IRS1: variants seen among roughly 807,000 people sequenced by gnomAD.
IRS1 encodes the protein insulin receptor substrate 1.
A neutral mutation model predicts 65.6 loss-of-function variants in IRS1; 34 were observed. The ratio of observed to expected loss-of-function variants is 0.52; its 90% CI spans 0.39 to 0.69. The LOEUF (loss-of-function observed/expected upper bound fraction) is 0.69, where lower values mean the gene tolerates loss of function less well. IRS1 is among the 30% of genes least tolerant of loss of function. The pLI is 0.00. For missense variants in IRS1, 1,641 were observed against 1,720.2 expected (o/e 0.95, Z 0.81); for synonymous variants, 699 against 683.5 (o/e 1.02, Z -0.35).
At position 226,796,576 on chromosome 2, in the gene IRS1, G is replaced by T. The variant is rs753351880; in HGVS notation, c.2163C>A (p.Ser721Arg). Residue 721 changes from serine to arginine, a missense_variant, in exon 1 of 2, where the codon AGC (serine) becomes AGA (arginine). By Grantham distance (110) the Ser-to-Arg change is moderately radical (BLOSUM62 -1). Around this residue, in one of 3 missense-constraint regions of IRS1, gnomAD observed 1,324 missense variants for 1,361.0 expected, o/e 0.97. Coordinates refer to ENST00000305123, the MANE Select transcript of IRS1 (RefSeq NM_005544.3). ...LPHPKPPVES[S>R]GGKLLPCTGD... ...CTGTGCAAGGTAAGAGCTTACCACC[G>T]CTGCTCTCCACTGGGGGTTTGGGGT... is the stretch of plus-strand genomic sequence containing the variant. 6.2e-7 allele frequency: 1 copy of T among 1,613,996 alleles called. No homozygotes were observed. The highest frequency in any genetic ancestry group is 1.7e-5 in the Admixed American group (1 of 60,028).
At chr2:226,776,055 G>C (rs1211130157) in intron 1 of IRS1, among the ~76,000 whole-genome samples, 2 of 152,068 alleles carry the variant, frequency 1.3e-5, no homozygotes, top group Non-Finnish European at 2.9e-5. Flanking sequence ...TAGAGAAACT[G>C]ATGATTTTAG....
intron 1 of IRS1, among the ~76,000 whole-genome samples, chr2:226,781,531 T>C (rs575879661): frequency 6.6e-6 from 1 of 152,236 alleles, no homozygotes; most frequent in East Asian, 1.9e-4. Flanking sequence ...GTTGTGTACT[T>C]GATAATGCAA....
rs1487901706 is a variant in IRS1 at position 226,732,868 on chromosome 2, T to C, written c.*3404A>G. On this transcript the variant is annotated 3_prime_UTR_variant, in exon 2 of 2. Coordinates refer to ENST00000305123, the MANE Select transcript of IRS1 (RefSeq NM_005544.3). ...CTTCTTCCCATTCCTACCAAAAGGG[T>C]CACATCTCTCCCCGCCAAGGTCTTA... The C allele has an allele frequency of 3.3e-5, 5 of 152,096 alleles. No individual in the cohort carries two copies. The highest frequency in any genetic ancestry group is 7.4e-5 in the Non-Finnish European group (5 of 68,026). The allele number at this position is 152,096 out of a possible 1,614,324, so 9.4% of individuals were successfully genotyped here. A position where few individuals can be genotyped will look rare whatever the true frequency, so the allele number is the denominator to read the frequency against.
intron 1 of IRS1, among the ~76,000 whole-genome samples, chr2:226,762,106 C>A (rs1938927064): frequency 6.6e-6 from 1 of 152,114 alleles, no homozygotes; most frequent in Non-Finnish European, 1.5e-5. Context: ...CAACAACCAG[C>A]AATCATTATT....
In IRS1 at chr2:226,796,737, T is replaced by G. The variant is rs761035932; in HGVS notation, c.2002A>C (p.Ser668Arg). Residue 668 changes from serine to arginine, a missense_variant, in exon 1 of 2, where the codon AGC becomes CGC. By Grantham distance (110) the Ser-to-Arg change is moderately radical. This residue lies in a region of IRS1 where 1,324 missense variants were observed against 1,361.0 expected (regional missense o/e 0.97). Coordinates refer to ENST00000305123, the MANE Select transcript of IRS1 (RefSeq NM_005544.3). ...DPNGYMMMSP[S>R]GGCSPDIGGG... ...CCAATGTCAGGAGAGCAGCCACCGC[T>G]GGGGGACATCATCATGTAGCCATTG... is the stretch of plus-strand genomic sequence containing the variant. The G allele has an allele frequency of 1.9e-6, 3 of 1,610,774 alleles. No homozygotes were observed. Among genetic ancestry groups the G allele is most frequent in the East Asian group, 2.2e-5 (1 of 44,806 alleles).
chr2:226,788,031 C>G (rs563926330), intron 1 of IRS1, among the ~76,000 whole-genome samples: 1 of 141,648 alleles, frequency 7.1e-6, no homozygotes, highest in Non-Finnish European at 1.6e-5. Context: ...AAAAAAAAAA[C>G]GTCTCTTTGA....
Position 226,796,594 on chromosome 2 carries a change from TTTGG to T in IRS1, c.2141_2144del (p.Pro714HisfsTer19). On this transcript the variant is annotated frameshift_variant, in exon 1 of 2. Transcript: ENST00000305123. LOFTEE classifies it high-confidence loss of function. ...TACCACCGCTGCTCTCCACTGGGGG[TTTGG>T]GGTGAGGCAAGACATGAGAGTGGTG... 6.2e-7 allele frequency: 1 copy of T among 1,613,620 alleles called. No individual in the cohort carries two copies. Among genetic ancestry groups the T allele is most frequent in the Non-Finnish European group, 8.5e-7 (1 of 1,179,854 alleles).
At chr2:226,778,050 G>T (rs1251169065) in intron 1 of IRS1, among the ~76,000 whole-genome samples, 1 of 151,860 alleles carries the variant, frequency 6.6e-6, no homozygotes, top group Non-Finnish European at 1.5e-5. Flanking sequence ...TTCATTTCCT[G>T]TCTTATTTCC....
At chr2:226,767,318 C>G (rs904014235) in intron 1 of IRS1, among the ~76,000 whole-genome samples, 2 of 152,118 alleles carry the variant, frequency 1.3e-5, no homozygotes, top group African/African-American at 4.8e-5. Context: ...CTGAAATAAG[C>G]GCAAGCCATA....
chr2:226,770,520 A>G (rs1398266164), intron 1 of IRS1, among the ~76,000 whole-genome samples: 1 of 152,246 alleles, frequency 6.6e-6, no homozygotes, highest in African/African-American at 2.4e-5. Flanking sequence ...AGCAAATAGT[A>G]AAGCCAAAAT....
intron 1 of IRS1, among the ~76,000 whole-genome samples, chr2:226,778,843 T>C (rs533371352): frequency 6.6e-6 from 1 of 152,298 alleles, no homozygotes; most frequent in African/African-American, 2.4e-5. Context: ...TGTAAGACAA[T>C]CTCTCTCAAG....
chr2:226,797,303 G>C lies in IRS1; in HGVS notation c.1436C>G (p.Pro479Arg). 1 of 1,613,522 alleles carries C rather than the reference G, an allele frequency of 6.2e-7. No individual in the cohort carries two copies. Among genetic ancestry groups the C allele is most frequent in the Admixed American group, 1.7e-5 (1 of 60,020 alleles). ...CCGAGACAAAATGTAGTGACCGTTGGGGGCGGTCAGGGTGGAGGGCCCCTT... is the reference window on the plus strand; with the variant it reads ...CCGAGACAAAATGTAGTGACCGTTGCGGGCGGTCAGGGTGGAGGGCCCCTT... ...GGKGPSTLTA[P>R]NGHYILSRGG... is the part of the protein sequence containing the mutation. The change falls in exon 1 of 2, where the codon CCC becomes CGC. Residue 479 changes from proline to arginine, a missense_variant. Physicochemically the swap from Pro to Arg is moderately radical, Grantham distance 103. Transcript: ENST00000305123. This position sits in a 1 kb window ranked among gnomAD's most constrained non-coding sequence, Gnocchi z 8.1.
intron 1 of IRS1, among the ~76,000 whole-genome samples, chr2:226,791,903 T>C (rs1345670476): frequency 6.6e-6 from 1 of 151,784 alleles, no homozygotes; most frequent in Non-Finnish European, 1.5e-5. Context: ...TGGCTGCAGA[T>C]TCCCCCACCC....
At chr2:226,744,381 T>C (rs1430965179) in intron 1 of IRS1, among the ~76,000 whole-genome samples, 1 of 152,180 alleles carries the variant, frequency 6.6e-6, no homozygotes, top group Admixed American at 6.5e-5. Context: ...GTTTTTCTGA[T>C]CCTTAAACAG....
Position 226,798,081 on chromosome 2 carries a change from A to T in IRS1, c.658T>A (p.Phe220Ile), listed in dbSNP as rs768690706. Residue 220 changes from phenylalanine (F) to isoleucine (I), a missense_variant, in exon 1 of 2, where the codon TTC (phenylalanine) becomes ATC (isoleucine). Transcript: ENST00000305123. The surrounding 1 kb of genome is among the most constrained non-coding windows in gnomAD (Gnocchi z 9.4). Reference protein sequence around the residue: ...NIRRCGHSENFFFIEVGRSAV... With the variant: ...NIRRCGHSENIFFIEVGRSAV... ...GAACGGCCCACCTCGATGAAGAAGA[A>T]GTTTTCCGAGTGGCCACAGCGCCTG... The T allele has an allele frequency of 3.1e-6, 5 of 1,613,990 alleles. No homozygotes were observed. The highest frequency in any genetic ancestry group is 8.5e-7 in the Non-Finnish European group (1 of 1,180,002).
chr2:226,771,310 A>G (rs2106171881), intron 1 of IRS1, among the ~76,000 whole-genome samples: 2 of 152,286 alleles, frequency 1.3e-5, no homozygotes, highest in Non-Finnish European at 2.9e-5. Context: ...ACATGGTATC[A>G]GCCGGCTGTC....
intron 1 of IRS1, among the ~76,000 whole-genome samples, chr2:226,750,425 G>C (rs1437529117): frequency 2.0e-5 from 3 of 151,886 alleles, no homozygotes; most frequent in Admixed American, 6.6e-5. Context: ...AAAACAAGGT[G>C]ATATTCAACA....
In IRS1 at chr2:226,789,438, C is replaced by G. The variant is rs1225996481; in HGVS notation, c.*21+5551G>C. Among the ~76,000 whole-genome samples, 4 of 152,226 alleles carry G rather than the reference C, an allele frequency of 2.6e-5. No homozygotes were observed. The East Asian group carries it at 7.7e-4, about 29-fold the overall frequency. ...ATCTGGACAACACTAATTTTGCCAG[C>G]AAGAGAAATATTGAGTTGTTTCATA... On this transcript the variant is annotated intron_variant, in intron 1 of 1. Transcript: ENST00000305123.
intron 1 of IRS1, among the ~76,000 whole-genome samples, chr2:226,750,982 C>A (rs1187771979): frequency 1.3e-5 from 2 of 152,102 alleles, no homozygotes; most frequent in African/African-American, 4.8e-5. Flanking sequence ...AGGAGGAAAC[C>A]TACTATTTAA....
Sources: allele counts gnomAD v4.1 joint callset (sites outside exome capture counted in the v4.1 genomes callset), GRCh38; gene constraint gnomAD v4.1.1; regional missense constraint gnomAD v4.1.1; non-coding constraint Gnocchi (gnomAD v3.1); transcripts MANE v1.5; gene names NCBI Gene and HGNC (gene_info 2026-07-23, HGNC 2026-07-21).